ACACB: variants seen among roughly 807,000 people sequenced by gnomAD.
ACACB encodes the protein acetyl-CoA carboxylase beta, also known as acetyl-CoA carboxylase 2.
Under a neutral mutation model 278.8 loss-of-function variants are expected in ACACB, and 209 were observed. That is an observed-to-expected ratio of 0.75 (90% CI 0.67 to 0.84). ACACB has a LOEUF of 0.84. Ranked by LOEUF, ACACB falls within the 40% of genes least tolerant of loss-of-function variation. ACACB has a pLI of 0.00. For synonymous variants in ACACB, 1,174 were observed against 1,285.6 expected, an observed-to-expected ratio of 0.91 and a Z score of 1.86; for missense variants, 2,850 against 3,269.0, an observed-to-expected ratio of 0.87 and a Z score of 3.13.
intron 1 of ACACB, among the ~76,000 whole-genome samples, chr12:109,130,258 A>G (rs2042789502): frequency 6.6e-6 from 1 of 152,196 alleles, no homozygotes; most frequent in Non-Finnish European, 1.5e-5. Flanking sequence ...TTAACAGCCC[A>G]GCAATGATGT....
At chr12:109,188,212 TCC>T (rs762251884) in intron 13 of ACACB, 50 bp downstream of exon 13, 9 of 1,406,666 alleles carry the variant, frequency 6.4e-6, no homozygotes, top group Non-Finnish European at 7.8e-6. Flanking sequence ...CTTCCTTCCT[TCC>T]TTCCTTCCTT....
chr12:109,196,964 G>A, intron 16 of ACACB, 44 bp from the exon 17 acceptor site: 1 of 1,504,248 alleles, frequency 6.6e-7, no homozygotes, highest in Non-Finnish European at 8.8e-7. Context: ...TGCTCTGGGA[G>A]CACATCCTGA....
chr12:109,194,530 G>A (rs144276359), intron 16 of ACACB, among the ~76,000 whole-genome samples: 804 of 76,244 alleles, frequency 0.011, 10 homozygotes, highest in African/African-American at 0.03. Context: ...GTGTGTGTGT[G>A]TGTGTGTGTG....
chr12:109,149,996 C>G (rs2043330512), intron 2 of ACACB, among the ~76,000 whole-genome samples: 1 of 152,216 alleles, frequency 6.6e-6, no homozygotes, highest in African/African-American at 2.4e-5. Flanking sequence ...TTTTCTGTGC[C>G]TCAGTTTCCT....
intron 49 of ACACB, 59 bp from the exon 50 acceptor site, chr12:109,264,173 C>A: frequency 1.9e-6 from 3 of 1,550,896 alleles, no homozygotes; most frequent in African/African-American, 1.4e-5. Context: ...AAAAAAATCT[C>A]CACCCCATCA....
chr12:109,250,244 G>A (rs1190672964), intron 41 of ACACB, 140 bp downstream of exon 41: 3 of 910,230 alleles, frequency 3.3e-6, no homozygotes, highest in Non-Finnish European at 4.7e-6. Flanking sequence ...CCAGCCCACT[G>A]ATATTTCCTC....
intron 2 of ACACB, among the ~76,000 whole-genome samples, chr12:109,165,666 A>C (rs774307673): frequency 2.0e-5 from 3 of 152,232 alleles, no homozygotes; most frequent in Non-Finnish European, 4.4e-5. Context: ...CACAAACTTC[A>C]TATGTGAATA....
chr12:109,220,664 G>T (rs570709472), intron 24 of ACACB, among the ~76,000 whole-genome samples: 1 of 152,194 alleles, frequency 6.6e-6, no homozygotes, highest in South Asian at 2.1e-4. Flanking sequence ...TGATTCTCCT[G>T]CCTCAGCCTC....
At chr12:109,192,000 T>C (rs779020248) in intron 15 of ACACB, 50 bp downstream of exon 15, 1 of 1,578,120 alleles carries the variant, frequency 6.3e-7, no homozygotes, top group Non-Finnish European at 8.7e-7. Context: ...TGTTAGCGGC[T>C]TAGGAGGCTG....
chr12:109,178,965 G>A, intron 9 of ACACB, 123 bp from the exon 10 acceptor site: 2 of 850,784 alleles, frequency 2.4e-6, no homozygotes, highest in South Asian at 3.2e-5. Context: ...AAGATCAGCA[G>A]AGTCCTGGAT....
intron 17 of ACACB, among the ~76,000 whole-genome samples, chr12:109,197,675 G>C (rs75454965): frequency 6.6e-6 from 1 of 152,248 alleles, no homozygotes; most frequent in East Asian, 1.9e-4. Flanking sequence ...GAAGCTCTTA[G>C]CACAGGGGCT....
chr12:109,255,574 T>G (rs1436680458), intron 44 of ACACB, among the ~76,000 whole-genome samples: 1 of 152,356 alleles, frequency 6.6e-6, no homozygotes, highest in African/African-American at 2.4e-5. Context: ...CCTCTTACTC[T>G]GGCTGCCCCC....
At chr12:109,233,695 C>A in intron 29 of ACACB, 53 bp from the exon 30 acceptor site, 1 of 1,499,080 alleles carries the variant, frequency 6.7e-7, no homozygotes, top group Non-Finnish European at 9.3e-7. Flanking sequence ...AGCTTGACCT[C>A]ATCCCCATGG....
At chr12:109,232,979 A>C (rs78761086) in intron 29 of ACACB, among the ~76,000 whole-genome samples, 173 bp downstream of exon 29, 1 of 152,188 alleles carries the variant, frequency 6.6e-6, no homozygotes, top group African/African-American at 2.4e-5. Context: ...ATGAGCCTAC[A>C]TGTCAGCTTG....
chr12:109,199,508 G>T lies in ACACB; in HGVS notation c.2734G>T (p.Asp912Tyr). The change falls in exon 18 of 53, where the codon GAT becomes TAT. Residue 912 changes from aspartate (D) to tyrosine (Y), a missense_variant. By Grantham distance (160) the Asp-to-Tyr change is radical (BLOSUM62 -3). Transcript: ENST00000338432. ...GAAGCTGACACAGTACACAGTGGAG[G>T]ATGGGGGCCACGTTGAGGCTGGGAG... ...AGKLTQYTVE[D>Y]GGHVEAGSSY... 1.3e-6 allele frequency: 2 copies of T among 1,539,858 alleles called. No individual in the cohort carries two copies. The highest frequency in any genetic ancestry group is 1.8e-6 in the Non-Finnish European group (2 of 1,141,768).
At chr12:109,196,594 G>T (rs1357267169) in intron 16 of ACACB, among the ~76,000 whole-genome samples, 2 of 152,086 alleles carry the variant, frequency 1.3e-5, no homozygotes, top group Admixed American at 1.3e-4. Context: ...TCACATTAGG[G>T]GTTGGGATTT....
At chr12:109,127,152 A>G (rs747688839) in intron 1 of ACACB, among the ~76,000 whole-genome samples, 11 of 152,102 alleles carry the variant, frequency 7.2e-5, no homozygotes, top group African/African-American at 1.2e-4. Context: ...AAACAATTGA[A>G]TCAACGACCT....
chr12:109,135,773 T>C (rs1208217099), intron 1 of ACACB, among the ~76,000 whole-genome samples: 1 of 151,828 alleles, frequency 6.6e-6, no homozygotes, highest in Non-Finnish European at 1.5e-5. Context: ...GGAAATCCAG[T>C]TGTTCCAGCA....
intron 17 of ACACB, among the ~76,000 whole-genome samples, chr12:109,198,367 A>G (rs1319730033): frequency 6.6e-6 from 1 of 152,226 alleles, no homozygotes; most frequent in Non-Finnish European, 1.5e-5. Context: ...TGTCAGTAAA[A>G]GGAACCAGCT....
Sources: gnomAD v4.1 joint callset for allele counts (sites outside exome capture counted in the v4.1 genomes callset) on GRCh38, gnomAD v4.1.1 for gene constraint, MANE v1.5 for transcripts, NCBI Gene and HGNC (gene_info 2026-07-23, HGNC 2026-07-21) for gene names.